KIF13A: variants seen among roughly 807,000 people sequenced by gnomAD.
The protein encoded by KIF13A is kinesin-like protein KIF13A.
Under a neutral mutation model 212.2 loss-of-function variants are expected in KIF13A, and 79 were observed. That is an observed-to-expected ratio of 0.37 (90% CI 0.31 to 0.45). The LOEUF (loss-of-function observed/expected upper bound fraction) is 0.45, where lower values mean the gene tolerates loss of function less well. KIF13A is among the 20% of genes least tolerant of loss of function. The probability of loss-of-function intolerance (pLI) is 1.00; values close to 1 mark genes in which losing one functional copy is unlikely to be tolerated. For missense variants in KIF13A, 1,901 were observed against 2,209.0 expected (o/e 0.86, Z 2.79); for synonymous variants, 789 against 808.6 (o/e 0.98, Z 0.41).
rs935210706 is a variant in KIF13A at position 17,900,955 on chromosome 6, G to A, written c.147-2775C>T. Among the ~76,000 whole-genome samples, 2 of 151,964 alleles carry A rather than the reference G, an allele frequency of 1.3e-5. No homozygotes were observed. The highest frequency in any genetic ancestry group is 2.9e-5 in the Non-Finnish European group (2 of 67,994). ...TAGCCGGGCGTGGTGGCGGGTGCCT[G>A]TAGTCCCAGCTACTTGGGAGGCTGA... On this transcript the variant is annotated intron_variant, in intron 2 of 38. Coordinates refer to ENST00000259711, the MANE Select transcript of KIF13A (RefSeq NM_022113.6). This position sits in a 1 kb window ranked among gnomAD's most constrained non-coding sequence, Gnocchi z 4.6.
At chr6:17,889,132 C>T (rs1257063924) in intron 3 of KIF13A, among the ~76,000 whole-genome samples, 1 of 152,134 alleles carries the variant, frequency 6.6e-6, no homozygotes, top group Non-Finnish European at 1.5e-5. Context: ...TGAAGCTAGA[C>T]TAAATAAAGT....
In KIF13A at chr6:17,837,146, G is replaced by T; in HGVS notation, c.943-56C>A. 7.0e-7 allele frequency: 1 copy of T among 1,423,854 alleles called. No individual in the cohort carries two copies. The highest frequency in any genetic ancestry group is 9.9e-7 in the Non-Finnish European group (1 of 1,012,576). The allele number at this position is 1,423,854 out of a possible 1,614,324, so 88.2% of individuals were successfully genotyped here. A position where few individuals can be genotyped will look rare whatever the true frequency, so the allele number is the denominator to read the frequency against. On this transcript the variant is annotated intron_variant, in intron 10 of 38. Coordinates refer to ENST00000259711, the MANE Select transcript of KIF13A (RefSeq NM_022113.6). This position sits in a 1 kb window ranked among gnomAD's most constrained non-coding sequence, Gnocchi z 5.4. ...AGCCCATTCCATGGACAACACATAT[G>T]ATAAAAGCACTAAATGTGTTAGGTA...
rs115166010 is a variant in KIF13A at position 17,907,927 on chromosome 6, G to A, written c.147-9747C>T. 5.6e-3 allele frequency among the ~76,000 whole-genome samples: 852 copies of A among 152,286 alleles called. 13 individuals carry two copies. The highest frequency in any genetic ancestry group is 0.019 in the African/African-American group (787 of 41,556). On this transcript the variant is annotated intron_variant, in intron 2 of 38. Coordinates refer to ENST00000259711, the MANE Select transcript of KIF13A (RefSeq NM_022113.6). ...ATGGCCAGATCTGTTTTAGGAGGGTGAGACTCAAGCGTGAATGTAAGAGGC... is the reference window on the plus strand; with the variant it reads ...ATGGCCAGATCTGTTTTAGGAGGGTAAGACTCAAGCGTGAATGTAAGAGGC...
chr6:17,794,967 G>T lies in KIF13A; in HGVS notation c.2943-263C>A. 2 of 359,990 alleles carry T rather than the reference G, an allele frequency of 5.6e-6. No individual in the cohort carries two copies. The highest frequency in any genetic ancestry group is 1.0e-5 in the Non-Finnish European group (2 of 200,366). 22.3% of individuals were successfully genotyped at this position (359,990 alleles called of 1,614,324 possible). On this transcript the variant is annotated intron_variant, in intron 23 of 38. Transcript: ENST00000259711. The surrounding 1 kb of genome is among the most constrained non-coding windows in gnomAD (Gnocchi z 4.1). Reference sequence around the variant, plus strand: ...AGAAATGCACATATGAGTGTAACCTGCCCTATCACCTCAGAAAGTTTGCTC... The same window carrying T: ...AGAAATGCACATATGAGTGTAACCTTCCCTATCACCTCAGAAAGTTTGCTC...
chr6:17,873,370 A>G lies in KIF13A; in HGVS notation c.220+7T>C. 1 of 1,588,956 alleles carries G rather than the reference A, an allele frequency of 6.3e-7. No individual in the cohort carries two copies. The highest frequency in any genetic ancestry group is 8.6e-7 in the Non-Finnish European group (1 of 1,165,264). On this transcript the variant is annotated splice_region_variant and intron_variant, in intron 4 of 38. Coordinates refer to ENST00000259711, the MANE Select transcript of KIF13A (RefSeq NM_022113.6). ...CCAACTGTCAGGTGTAGAGGGAGAA[A>G]ACTTACCAGCGTATTTTGTAGTGTT...
In KIF13A at chr6:17,855,731, C is replaced by CTTTTTTGTGGT; in HGVS notation, c.314-115_314-114insACCACAAAAAA. ...CATGGTAACATAGCAGAAGAGTGGC[C>CTTTTTTGTGGT]AACTTAGCCTCAAACCCTGTTGCTC... On this transcript the variant is annotated intron_variant, in intron 5 of 38. Coordinates refer to ENST00000259711, the MANE Select transcript of KIF13A (RefSeq NM_022113.6). This position sits in a 1 kb window ranked among gnomAD's most constrained non-coding sequence, Gnocchi z 4.1. 1 of 821,228 alleles carries CTTTTTTGTGGT rather than the reference C, an allele frequency of 1.2e-6. No individual in the cohort carries two copies. Among genetic ancestry groups the CTTTTTTGTGGT allele is most frequent in the Non-Finnish European group, 1.9e-6 (1 of 530,652 alleles). The allele number at this position is 821,228 out of a possible 1,614,324, so 50.9% of individuals were successfully genotyped here.
intron 2 of KIF13A, among the ~76,000 whole-genome samples, chr6:17,952,437 A>G (rs1367085080): frequency 2.6e-5 from 4 of 151,132 alleles, no homozygotes; most frequent in Admixed American, 2.0e-4. Flanking sequence ...GTTTGAGACC[A>G]GGCTGGGCAA....
chr6:17,942,725 C>T (rs1777055527), intron 2 of KIF13A, among the ~76,000 whole-genome samples: 1 of 152,144 alleles, frequency 6.6e-6, no homozygotes. Context: ...CGCCTGTAAT[C>T]TCAGCACTTT....
At chr6:17,884,029 T>TA (rs1771320235) in intron 3 of KIF13A, among the ~76,000 whole-genome samples, 1 of 152,200 alleles carries the variant, frequency 6.6e-6, no homozygotes, top group African/African-American at 2.4e-5. Flanking sequence ...CTCCTTCCTG[T>TA]AATTCTCTGC....
At position 17,764,012 on chromosome 6, in the gene KIF13A, T is replaced by G; in HGVS notation, c.*98A>C. 1 of 1,480,124 alleles carries G rather than the reference T, an allele frequency of 6.8e-7. No individual in the cohort carries two copies. 91.7% of individuals were successfully genotyped at this position (1,480,124 alleles called of 1,614,324 possible). A position where few individuals can be genotyped will look rare whatever the true frequency, so the allele number is the denominator to read the frequency against. ...TGTGCAGGAAGTGAGCCTGCTTCTC[T>G]GTGGGCTCATCTTTGCTGTCACAAA... On this transcript the variant is annotated 3_prime_UTR_variant, in exon 39 of 39. Transcript: ENST00000259711. The surrounding 1 kb of genome is among the most constrained non-coding windows in gnomAD (Gnocchi z 5.1).
At chr6:17,983,469 C>T (rs1320369746) in intron 2 of KIF13A, among the ~76,000 whole-genome samples, 1 of 150,994 alleles carries the variant, frequency 6.6e-6, no homozygotes, top group South Asian at 2.1e-4. Context: ...CCCACCCCAC[C>T]CCCAAAACTG....
rs1345566514 is a variant in KIF13A, at chr6:17,799,170, T to C, written c.2790+96A>G. ...AGGTTAAAACATCTAATAAACATAT[T>C]ATACTTAAAACAAATGCTTGTGGGG... On this transcript the variant is annotated intron_variant, in intron 22 of 38. Transcript: ENST00000259711. This position sits in a 1 kb window ranked among gnomAD's most constrained non-coding sequence, Gnocchi z 4.4. 2.6e-6 allele frequency: 2 copies of C among 756,386 alleles called. No individual in the cohort carries two copies. The highest frequency in any genetic ancestry group is 3.8e-6 in the Non-Finnish European group (2 of 519,838). 46.9% of individuals were successfully genotyped at this position (756,386 alleles called of 1,614,324 possible).
intron 29 of KIF13A, 63 bp from the exon 30 acceptor site, chr6:17,781,364 A>C: frequency 3.4e-6 from 5 of 1,470,290 alleles, no homozygotes; most frequent in Middle Eastern, 3.6e-4. Flanking sequence ...CAAACACCAA[A>C]AATTTAAATA....
rs114420438 is a variant in KIF13A, at chr6:17,809,808, A to G, written c.2001-878T>C. 8.2e-3 allele frequency among the ~76,000 whole-genome samples: 1,242 copies of G among 152,366 alleles called. 21 individuals are homozygous for G. Among genetic ancestry groups the G allele is most frequent in the African/African-American group, 0.029 (1,199 of 41,588 alleles). On this transcript the variant is annotated intron_variant, in intron 17 of 38. Coordinates refer to ENST00000259711, the MANE Select transcript of KIF13A (RefSeq NM_022113.6). The surrounding 1 kb of genome is among the most constrained non-coding windows in gnomAD (Gnocchi z 4.7). The stretch of plus-strand genomic sequence containing the variant: ...TTTCCACCATTTATACGCCGCAGGA[A>G]ATGCTTACATCATAGAAAAATAATG...
At chr6:17,880,837 A>C (rs946907197) in intron 3 of KIF13A, among the ~76,000 whole-genome samples, 11 of 151,966 alleles carry the variant, frequency 7.2e-5, no homozygotes, top group African/African-American at 2.7e-4. Flanking sequence ...CCAAGTTAGT[A>C]TCGAACTCCT....
intron 16 of KIF13A, among the ~76,000 whole-genome samples, chr6:17,823,588 C>T (rs1375390605): frequency 6.6e-6 from 1 of 151,980 alleles, no homozygotes; most frequent in African/African-American, 2.4e-5. Context: ...GTGCTCCGGC[C>T]TCCCAAGTAA....
chr6:17,976,889 C>A (rs1433570839), intron 2 of KIF13A, among the ~76,000 whole-genome samples: 1 of 151,030 alleles, frequency 6.6e-6, no homozygotes, highest in Non-Finnish European at 1.5e-5. Flanking sequence ...ATCACGAGGT[C>A]AGGAGATCGA....
intron 4 of KIF13A, among the ~76,000 whole-genome samples, chr6:17,857,959 AAAC>A (rs2150409231): frequency 6.6e-6 from 1 of 152,288 alleles, no homozygotes; most frequent in Admixed American, 6.5e-5. Context: ...ACATTTTTAA[AAAC>A]AATAAACCCC....
At position 17,828,544 on chromosome 6, in the gene KIF13A, C is replaced by T. The variant is rs562520888; in HGVS notation, c.1402-174G>A. Among the ~76,000 whole-genome samples, 104 of 151,008 alleles carry T rather than the reference C, an allele frequency of 6.9e-4. No homozygotes were observed. Among genetic ancestry groups the T allele is most frequent in the Admixed American group, 1.8e-3 (27 of 15,234 alleles). On this transcript the variant is annotated intron_variant, in intron 13 of 38. Coordinates refer to ENST00000259711, the MANE Select transcript of KIF13A (RefSeq NM_022113.6). This position sits in a 1 kb window ranked among gnomAD's most constrained non-coding sequence, Gnocchi z 4.3. ...AGTAAAACGCTTACCCTTAATACAC[C>T]AAATTAAAAAAAAATGTTTAAACAC...
Sources: gnomAD v4.1 joint callset for allele counts (sites outside exome capture counted in the v4.1 genomes callset) on GRCh38, gnomAD v4.1.1 for gene constraint, Gnocchi (gnomAD v3.1) non-coding constraint, MANE v1.5 for transcripts, NCBI Gene and HGNC (gene_info 2026-07-23, HGNC 2026-07-21) for gene names.